Variants in GRIA3 observed in about 807,000 individuals in gnomAD.
The protein encoded by GRIA3 is glutamate receptor 3.
GRIA3 carries 3 observed loss-of-function variants against 63.0 expected under a neutral mutation model. The observed-to-expected ratio is 0.05, with a 90% CI of 0.02 to 0.12. The LOEUF (loss-of-function observed/expected upper bound fraction) is 0.12, where lower values mean the gene tolerates loss of function less well. GRIA3 is among the 10% of genes least tolerant of loss of function. The probability of loss-of-function intolerance (pLI) is 1.00; values close to 1 mark genes in which losing one functional copy is unlikely to be tolerated. For synonymous variants in GRIA3, 274 were observed against 257.9 expected (o/e 1.06, Z -0.60); for missense variants, 347 against 700.9 (o/e 0.50, Z 5.70).
intron 3 of GRIA3, among the ~76,000 whole-genome samples, chrX:123,305,453 A>C (rs2044749316): frequency 8.9e-6 from 1 of 112,515 alleles, no homozygotes; most frequent in South Asian, 3.6e-4. Flanking sequence ...TTTTCTACAC[A>C]TACCCAAAAG....
chrX:123,442,301 T>C lies in GRIA3; in HGVS notation c.2076+14162T>C, dbSNP rs761807248. On this transcript the variant is annotated intron_variant, in intron 12 of 15. Transcript: ENST00000620443. ...ACAGTTGTTTCTCAGTTCGCAAGAA[T>C]TGAGACTATTTAGCCTGAAGAAGAT... is the stretch of plus-strand genomic sequence containing the variant. Among the ~76,000 whole-genome samples the C allele has an allele frequency of 5.3e-5, 6 of 112,197 alleles. No individual in the cohort carries two copies. In the South Asian group the frequency reaches 1.9e-3, roughly 35 times the overall value.
chrX:123,288,019 T>G (rs186025942), intron 3 of GRIA3, among the ~76,000 whole-genome samples: 57 of 112,204 alleles, frequency 5.1e-4, no homozygotes, highest in African/African-American at 1.7e-3. Flanking sequence ...CAAACTTTAC[T>G]ACAAGGCTGC....
chrX:123,189,652 C>T (rs781056846), intron 2 of GRIA3, among the ~76,000 whole-genome samples: 4 of 112,726 alleles, frequency 3.5e-5, no homozygotes, highest in South Asian at 3.7e-4. Flanking sequence ...TTGCAAGAAG[C>T]AGGGAAAAGG....
At chrX:123,255,421 C>T (rs1048817587) in intron 3 of GRIA3, among the ~76,000 whole-genome samples, 6 of 110,938 alleles carry the variant, frequency 5.4e-5, no homozygotes, top group African/African-American at 1.3e-4. Context: ...AAACAGTATA[C>T]ATGTACTGTA....
Position 123,204,195 on chromosome X carries a change from A to G in GRIA3, c.268+18205A>G, listed in dbSNP as rs187245708. On this transcript the variant is annotated intron_variant, in intron 2 of 15. Transcript: ENST00000620443. The stretch of plus-strand genomic sequence containing the variant: ...AACTGCACAAGCCAATGAGAGAACT[A>G]ATTCTGGTGGGTGGCATTTAATTTT... Among the ~76,000 whole-genome samples the G allele has an allele frequency of 3.4e-4, 38 of 111,760 alleles. No homozygotes were observed. In the East Asian group the frequency reaches 9.0e-3, roughly 26 times the overall value.
At chrX:123,383,427 T>C (rs2045335808) in intron 5 of GRIA3, among the ~76,000 whole-genome samples, 1 of 111,667 alleles carries the variant, frequency 9.0e-6, no homozygotes, top group South Asian at 3.8e-4. Context: ...CCTCTCTTCA[T>C]CCTGCCCCCT....
At position 123,482,823 on chromosome X, in the gene GRIA3, A is replaced by G. The variant is rs1484471471; in HGVS notation, c.2464A>G (p.Ser822Gly). Residue 822 changes from serine to glycine, a missense_variant, in exon 15 of 16, where the codon AGC becomes GGC. This residue lies in a region of GRIA3 where 49 missense variants were observed against 176.6 expected (regional missense o/e 0.28). Coordinates refer to ENST00000620443, the MANE Select transcript of GRIA3 (RefSeq NM_007325.5). The part of the protein sequence containing the change: ...SKDKTSALSL[S>G]NVAGVFYILV... ...GGACAAGACCAGCGCTCTGAGCCTG[A>G]GCAATGTGGCAGGCGTTTTCTATAT... The G allele has an allele frequency of 8.3e-7, 1 of 1,209,691 alleles. No homozygotes were observed. The highest frequency in any genetic ancestry group is 1.1e-6 in the Non-Finnish European group (1 of 893,462).
intron 2 of GRIA3, among the ~76,000 whole-genome samples, chrX:123,201,292 A>G (rs1927733967): frequency 9.0e-6 from 1 of 111,651 alleles, no homozygotes; most frequent in South Asian, 3.7e-4. Flanking sequence ...TATAGCTTAT[A>G]GGGATGTTAT....
intron 13 of GRIA3, among the ~76,000 whole-genome samples, chrX:123,478,461 T>C (rs974997142): frequency 1.8e-5 from 2 of 112,102 alleles, no homozygotes; most frequent in African/African-American, 6.5e-5. Context: ...TGCCAGGTCC[T>C]ACGCTAACCA....
chrX:123,408,788 G>A (rs1017199240), intron 10 of GRIA3, among the ~76,000 whole-genome samples: 6 of 112,112 alleles, frequency 5.4e-5, no homozygotes, highest in African/African-American at 1.6e-4. Flanking sequence ...ATAACAGGAG[G>A]TGATTCCAGA....
chrX:123,476,906 C>A (rs1249952442), intron 13 of GRIA3, among the ~76,000 whole-genome samples: 1 of 111,496 alleles, frequency 9.0e-6, no homozygotes, highest in Non-Finnish European at 1.9e-5. Context: ...GCCAAATGTC[C>A]CCTGGAGGAC....
chrX:123,337,487 G>A (rs191539028), intron 4 of GRIA3, among the ~76,000 whole-genome samples: 9 of 111,951 alleles, frequency 8.0e-5, no homozygotes, highest in South Asian at 3.8e-4. Context: ...GCCAGAATGC[G>A]CCTGCTGAGC....
chrX:123,448,914 A>T (rs185494849), intron 12 of GRIA3, among the ~76,000 whole-genome samples: 104 of 112,221 alleles, frequency 9.3e-4, no homozygotes, highest in Non-Finnish European at 1.4e-3. Flanking sequence ...ATTCATTATA[A>T]GCAATCTCTC....
At chrX:123,333,652 T>C (rs1603097532) in intron 4 of GRIA3, among the ~76,000 whole-genome samples, 1 of 111,735 alleles carries the variant, frequency 8.9e-6, no homozygotes, top group African/African-American at 3.3e-5. Context: ...ATTGAATCAA[T>C]CATGAAATGT....
At chrX:123,464,035 ATCAG>A (rs1472819386) in intron 12 of GRIA3, among the ~76,000 whole-genome samples, 2 of 111,260 alleles carry the variant, frequency 1.8e-5, no homozygotes, top group Non-Finnish European at 3.8e-5. Flanking sequence ...TGGAAACAAT[ATCAG>A]TCAGAGTTTC....
At chrX:123,287,400 G>A (rs1315080903) in intron 3 of GRIA3, among the ~76,000 whole-genome samples, 6 of 111,627 alleles carry the variant, frequency 5.4e-5, no homozygotes, top group Non-Finnish European at 1.1e-4. Flanking sequence ...ACATAGTATT[G>A]GAAGTTCCGG....
chrX:123,252,008 G>A (rs764323917), intron 2 of GRIA3, among the ~76,000 whole-genome samples: 4 of 111,798 alleles, frequency 3.6e-5, no homozygotes, highest in African/African-American at 1.3e-4. Context: ...GAATTAAATT[G>A]GTTTTCCACT....
At chrX:123,431,423 A>T (rs1035515583) in intron 12 of GRIA3, among the ~76,000 whole-genome samples, 2 of 112,078 alleles carry the variant, frequency 1.8e-5, no homozygotes, top group African/African-American at 3.2e-5. Flanking sequence ...CTGTTCCGTC[A>T]GGAAAGGCAG....
chrX:123,206,628 T>C (rs950139582), intron 2 of GRIA3, among the ~76,000 whole-genome samples: 4 of 111,501 alleles, frequency 3.6e-5, no homozygotes, highest in African/African-American at 1.3e-4. Flanking sequence ...GGCTTTTTTT[T>C]CCTCTCTAAT....
Sources: gnomAD v4.1 joint callset for allele counts (sites outside exome capture counted in the v4.1 genomes callset) on GRCh38, gnomAD v4.1.1 for gene constraint, gnomAD v4.1.1 regional missense constraint, MANE v1.5 for transcripts, NCBI Gene and HGNC (gene_info 2026-07-23, HGNC 2026-07-21) for gene names.